ZC3H12B: variants seen among roughly 807,000 people sequenced by gnomAD.
The protein encoded by ZC3H12B is zinc finger CCCH-type containing 12B.
In ZC3H12B, 7 loss-of-function variants were observed where a neutral mutation model predicts 43.9. That is an observed-to-expected ratio of 0.16 (90% confidence interval 0.09 to 0.30). The LOEUF (loss-of-function observed/expected upper bound fraction) is 0.30, where lower values mean the gene tolerates loss of function less well. ZC3H12B is among the 10% of genes least tolerant of loss of function. The pLI, the probability that ZC3H12B is intolerant of heterozygous loss-of-function variation, is 1.00. For synonymous variants in ZC3H12B, 222 were observed against 241.7 expected (o/e 0.92, Z 0.76); for missense variants, 475 against 670.2 (o/e 0.71, Z 3.22).
the ZC3H12B span, among the ~76,000 whole-genome samples, chrX:65,252,263 G>A: frequency 7.2e-5 from 8 of 111,184 alleles, no homozygotes; most frequent in South Asian, 2.7e-3. Flanking sequence ...TGTTGAACCA[G>A]CCTTGCATCC....
intron 2 of ZC3H12B, among the ~76,000 whole-genome samples, chrX:65,370,959 A>T (rs1343009804): frequency 8.9e-6 from 1 of 111,996 alleles, no homozygotes; most frequent in Admixed American, 9.5e-5. Context: ...GCCTAATTGT[A>T]TAACCTAAAA....
rs1424886417 is a variant in ZC3H12B, at chrX:65,502,103, C to G, written c.1405C>G (p.Leu469Val). The change falls in exon 5 of 5, where the codon CTA (leucine) becomes GTA (valine). Residue 469 changes from leucine to valine, a missense_variant. Around this residue, in one of 3 missense-constraint regions of ZC3H12B, gnomAD observed 289 missense variants for 359.9 expected, o/e 0.80. Transcript: ENST00000338957. Reference sequence around the variant, plus strand: ...TTCTGTCCCCTCGCTTGTGACTGCCCTAAGTGTTCCCACAATCCCACCCCC... The same window carrying G: ...TTCTGTCCCCTCGCTTGTGACTGCCGTAAGTGTTCCCACAATCCCACCCCC... 2 of 1,211,129 alleles carry G rather than the reference C, an allele frequency of 1.7e-6. No homozygotes were observed. Among genetic ancestry groups the G allele is most frequent in the African/African-American group, 3.5e-5 (2 of 57,765 alleles).
the ZC3H12B span, among the ~76,000 whole-genome samples, chrX:65,261,969 G>A: frequency 1.7e-4 from 19 of 110,055 alleles, no homozygotes; most frequent in Middle Eastern, 4.8e-3. Context: ...CATTTTTTTG[G>A]TCTGTCAGTC....
At chrX:65,226,169 G>A in the ZC3H12B span, among the ~76,000 whole-genome samples, 2 of 111,859 alleles carry the variant, frequency 1.8e-5, no homozygotes, top group African/African-American at 3.3e-5. Flanking sequence ...AGACTAAGAG[G>A]AGATCTCTCG....
the ZC3H12B span, among the ~76,000 whole-genome samples, chrX:65,085,665 G>A: frequency 1.8e-5 from 2 of 110,032 alleles, no homozygotes; most frequent in African/African-American, 3.3e-5. Context: ...CCAGCTACTC[G>A]GAAGTATAAG....
intron 2 of ZC3H12B, among the ~76,000 whole-genome samples, chrX:65,385,632 CT>C (rs949891466): frequency 9.6e-4 from 106 of 110,004 alleles, no homozygotes; most frequent in East Asian, 3.4e-3. Context: ...ATTGAATACC[CT>C]TTTTTTTTAT....
At chrX:65,423,319 A>G (rs980827730) in intron 3 of ZC3H12B, among the ~76,000 whole-genome samples, 4 of 112,087 alleles carry the variant, frequency 3.6e-5, no homozygotes, top group African/African-American at 1.3e-4. Flanking sequence ...TGCAATAAAC[A>G]TACATGTGCA....
At chrX:65,071,493 A>G in the ZC3H12B span, among the ~76,000 whole-genome samples, 2 of 109,837 alleles carry the variant, frequency 1.8e-5, no homozygotes, top group Admixed American at 9.6e-5. Flanking sequence ...TTCTCCTGTC[A>G]TTATGTTAGC....
At chrX:65,253,889 C>T in the ZC3H12B span, among the ~76,000 whole-genome samples, 4 of 112,123 alleles carry the variant, frequency 3.6e-5, no homozygotes, top group Non-Finnish European at 7.5e-5. Context: ...ATCATTTTGG[C>T]AGTGCACCGT....
At chrX:65,451,262 TTTTG>T (rs966787261) in intron 3 of ZC3H12B, among the ~76,000 whole-genome samples, 1 of 110,711 alleles carries the variant, frequency 9.0e-6, no homozygotes, top group Non-Finnish European at 1.9e-5. Context: ...ATTTTTTTGT[TTTTG>T]TTTTTGTTTT....
chrX:65,432,408 C>G (rs2067173225), intron 3 of ZC3H12B, among the ~76,000 whole-genome samples: 1 of 111,675 alleles, frequency 9.0e-6, no homozygotes, highest in Admixed American at 9.5e-5. Flanking sequence ...GCCTGCACAG[C>G]AAATCATGTA....
At chrX:65,486,396 C>T (rs1017334268), upstream of ZC3H12B, among the ~76,000 whole-genome samples, 1 of 112,141 alleles carries the variant, frequency 8.9e-6, no homozygotes, top group Non-Finnish European at 1.9e-5. Flanking sequence ...AACCCTGGGG[C>T]TTAGCACAGC....
At chrX:65,148,119 C>G in the ZC3H12B span, among the ~76,000 whole-genome samples, 1 of 111,172 alleles carries the variant, frequency 9.0e-6, no homozygotes, top group Non-Finnish European at 1.9e-5. Flanking sequence ...AGGGACTGGC[C>G]TGGCATTGGG....
chrX:65,190,815 G>T, the ZC3H12B span, among the ~76,000 whole-genome samples: 2 of 104,691 alleles, frequency 1.9e-5, no homozygotes, highest in African/African-American at 3.6e-5. Context: ...AATTGCCCTG[G>T]CCAGAACTTC....
At chrX:65,303,666 G>T in the ZC3H12B span, among the ~76,000 whole-genome samples, 1 of 112,324 alleles carries the variant, frequency 8.9e-6, no homozygotes, top group Non-Finnish European at 1.9e-5. Context: ...ACATTGTACT[G>T]TAACTTCTAG....
the ZC3H12B span, among the ~76,000 whole-genome samples, chrX:65,324,169 C>A: frequency 8.9e-6 from 1 of 112,089 alleles, no homozygotes; most frequent in African/African-American, 3.2e-5. Context: ...ATGATAGTTT[C>A]TTTTGCTGTG....
chrX:65,051,070 A>G, the ZC3H12B span, among the ~76,000 whole-genome samples: 1 of 111,358 alleles, frequency 9.0e-6, no homozygotes, highest in Non-Finnish European at 1.9e-5. Context: ...CTCTTTCTTC[A>G]TGATTCAGCG....
At chrX:65,172,280 GTTGT>G in the ZC3H12B span, among the ~76,000 whole-genome samples, 1 of 112,273 alleles carries the variant, frequency 8.9e-6, no homozygotes, top group Non-Finnish European at 1.9e-5. Context: ...TTTTGATGGA[GTTGT>G]TTGTTTTTTC....
the ZC3H12B span, among the ~76,000 whole-genome samples, chrX:65,122,309 A>G: frequency 2.7e-5 from 3 of 111,222 alleles, no homozygotes; most frequent in Non-Finnish European, 3.8e-5. Flanking sequence ...AAGGAGAAAT[A>G]AAATCCTTTA....
Sources: gnomAD v4.1 joint callset for allele counts (sites outside exome capture counted in the v4.1 genomes callset) on GRCh38, gnomAD v4.1.1 for gene constraint, gnomAD v4.1.1 regional missense constraint, MANE v1.5 for transcripts, NCBI Gene and HGNC (gene_info 2026-07-23, HGNC 2026-07-21) for gene names.